GAN: variants seen among roughly 807,000 people sequenced by gnomAD.
GAN encodes the protein gigaxonin.
A neutral mutation model predicts 71.3 loss-of-function variants in GAN; 48 were observed. The observed-to-expected ratio is 0.67, with a 90% CI of 0.53 to 0.86. The LOEUF is 0.86. GAN is among the 40% of genes least tolerant of loss of function. GAN has a pLI of 0.00. For missense variants in GAN, 928 were observed against 770.1 expected (o/e 1.21, Z -2.43); for synonymous variants, 386 against 276.8 (o/e 1.39, Z -3.92).
chr16:81,338,317 T>C (rs969470379), intron 1 of GAN, among the ~76,000 whole-genome samples: 1 of 152,208 alleles, frequency 6.6e-6, no homozygotes, highest in Non-Finnish European at 1.5e-5. Flanking sequence ...GAAATTTACA[T>C]GTATGATCCT....
chr16:81,325,274 G>C (rs924912429), intron 1 of GAN, among the ~76,000 whole-genome samples: 3 of 152,204 alleles, frequency 2.0e-5, no homozygotes, highest in African/African-American at 7.2e-5. Flanking sequence ...TAGGAATTGC[G>C]AGGGGAAGAA....
chr16:81,315,247 A>T lies in GAN; in HGVS notation c.134A>T (p.Lys45Met), dbSNP rs1376322034. The T allele has an allele frequency of 1.3e-6, 2 of 1,577,106 alleles. No individual in the cohort carries two copies. The highest frequency in any genetic ancestry group is 1.7e-6 in the Non-Finnish European group (2 of 1,163,564). Residue 45 changes from lysine to methionine, a missense_variant, in exon 1 of 11, where the codon AAG becomes ATG. Lys to Met is a moderately conservative substitution (Grantham distance 95). Transcript: ENST00000648994. ...VLDGEEIPVQ[K>M]NILAAASPYI... ...GACGGGGAGGAGATCCCGGTGCAGAAGAACATCCTGGCGGCGGCCAGCCCG... is the reference window on the plus strand; with the variant it reads ...GACGGGGAGGAGATCCCGGTGCAGATGAACATCCTGGCGGCGGCCAGCCCG...
intron 5 of GAN, among the ~76,000 whole-genome samples, chr16:81,360,985 A>C (rs1567494228): frequency 1.3e-5 from 2 of 152,122 alleles, no homozygotes; most frequent in Admixed American, 1.3e-4. Flanking sequence ...GCACTTTTGG[A>C]GGCTGAGGCG....
chr16:81,352,877 G>C (rs1047439268), intron 2 of GAN, among the ~76,000 whole-genome samples: 1 of 152,212 alleles, frequency 6.6e-6, no homozygotes, highest in African/African-American at 2.4e-5. Flanking sequence ...CAATCCAGCA[G>C]CAGTTATTAG....
At chr16:81,359,936 G>A (rs1352900894) in intron 5 of GAN, among the ~76,000 whole-genome samples, 1 of 152,142 alleles carries the variant, frequency 6.6e-6, no homozygotes, top group Non-Finnish European at 1.5e-5. Flanking sequence ...AGTTGACCAT[G>A]GGTGATAAAA....
At chr16:81,370,385 A>C (rs1386747455) in intron 9 of GAN, among the ~76,000 whole-genome samples, 2 of 152,238 alleles carry the variant, frequency 1.3e-5, no homozygotes, top group Non-Finnish European at 2.9e-5. Context: ...AAACCACACC[A>C]GTCTTTTGAA....
At position 81,356,765 on chromosome 16, in the gene GAN, C is replaced by CT; in HGVS notation, c.634-17dup. The CT allele has an allele frequency of 5.8e-6, 9 of 1,544,382 alleles. No individual in the cohort carries two copies. Among genetic ancestry groups the CT allele is most frequent in the Non-Finnish European group, 8.1e-6 (9 of 1,116,314 alleles). On this transcript the variant is annotated intron_variant, in intron 3 of 10. Transcript: ENST00000648994. ...GCATTTTCCATTGTTTTCGCCCCAT[C>CT]TTTCTTCCCTCTTCTGCAGGTCCAC...
chr16:81,322,571 A>G (rs1174019827), intron 1 of GAN, among the ~76,000 whole-genome samples: 1 of 152,256 alleles, frequency 6.6e-6, no homozygotes, highest in Non-Finnish European at 1.5e-5. Flanking sequence ...ACTTAAATGT[A>G]TATTTTTGCT....
intron 1 of GAN, among the ~76,000 whole-genome samples, chr16:81,350,258 G>T (rs1371470026): frequency 6.6e-6 from 1 of 152,164 alleles, no homozygotes; most frequent in African/African-American, 2.4e-5. Context: ...CATACAAAGA[G>T]ATGTTCAGCA....
intron 5 of GAN, among the ~76,000 whole-genome samples, chr16:81,359,524 C>T (rs184984263): frequency 1.2e-3 from 186 of 151,306 alleles, no homozygotes; most frequent in Admixed American, 3.6e-3. Context: ...AGGAAGATTA[C>T]CTTAGAAATT....
At chr16:81,327,602 C>T (rs565158224) in intron 1 of GAN, among the ~76,000 whole-genome samples, 1 of 152,314 alleles carries the variant, frequency 6.6e-6, no homozygotes, top group South Asian at 2.1e-4. Flanking sequence ...GGCCTACTTT[C>T]TTTGAAAAGG....
Position 81,390,629 on chromosome 16 carries a change from T to C in GAN, c.*13033T>C, listed in dbSNP as rs966820078. On this transcript the variant is annotated 3_prime_UTR_variant, in exon 11 of 11. Coordinates refer to ENST00000648994, the MANE Select transcript of GAN (RefSeq NM_022041.4). Reference sequence around the variant, plus strand: ...TTGTATTGACTGGATTTTATAACTGTAAGAAAACAGAAACAGAGTGTTGTA... The same window carrying C: ...TTGTATTGACTGGATTTTATAACTGCAAGAAAACAGAAACAGAGTGTTGTA... 3 of 152,218 alleles carry C rather than the reference T, an allele frequency of 2.0e-5. No homozygotes were observed. Among genetic ancestry groups the C allele is most frequent in the Non-Finnish European group, 2.9e-5 (2 of 68,038 alleles). The allele number at this position is 152,218 out of a possible 1,614,324, so 9.4% of individuals were successfully genotyped here.
intron 1 of GAN, among the ~76,000 whole-genome samples, chr16:81,338,127 A>G (rs1291808399): frequency 6.6e-6 from 1 of 152,202 alleles, no homozygotes; most frequent in Non-Finnish European, 1.5e-5. Flanking sequence ...GAACAATGTG[A>G]CATGCATAGT....
At chr16:81,335,229 A>G (rs1488725498) in intron 1 of GAN, among the ~76,000 whole-genome samples, 1 of 151,854 alleles carries the variant, frequency 6.6e-6, no homozygotes, top group East Asian at 1.9e-4. Flanking sequence ...CTTGAACTGG[A>G]TTTAATTGGC....
chr16:81,386,993 C>T lies in GAN; in HGVS notation c.*9397C>T, dbSNP rs935834404. On this transcript the variant is annotated 3_prime_UTR_variant, in exon 11 of 11. Coordinates refer to ENST00000648994, the MANE Select transcript of GAN (RefSeq NM_022041.4). ...GTAGAAGTAGGATTTAACAAAGGACCGAGAAGTCGGCTGAATAGCCAGGTT... is the reference window on the plus strand; with the variant it reads ...GTAGAAGTAGGATTTAACAAAGGACTGAGAAGTCGGCTGAATAGCCAGGTT... 1 of 152,124 alleles carries T rather than the reference C, an allele frequency of 6.6e-6. No individual in the cohort carries two copies. The highest frequency in any genetic ancestry group is 2.4e-5 in the African/African-American group (1 of 41,416). The allele number at this position is 152,124 out of a possible 1,614,324, so 9.4% of individuals were successfully genotyped here.
Position 81,336,999 on chromosome 16 carries a change from A to G in GAN, c.168-14584A>G, listed in dbSNP as rs564470334. On this transcript the variant is annotated intron_variant, in intron 1 of 10. Transcript: ENST00000648994. ...GTTCACTCTTGGTGGTGTGCCTTCTATGGGTTTGGACAAATGTGTCATGAC... is the reference window on the plus strand; with the variant it reads ...GTTCACTCTTGGTGGTGTGCCTTCTGTGGGTTTGGACAAATGTGTCATGAC... 9.9e-5 allele frequency among the ~76,000 whole-genome samples: 15 copies of G among 152,138 alleles called. 1 individual carries two copies. The highest frequency in any genetic ancestry group is 2.1e-4 in the South Asian group (1 of 4,810).
chr16:81,363,738 A>AATAT, intron 6 of GAN, 56 bp from the exon 7 acceptor site: 4 of 1,547,328 alleles, frequency 2.6e-6, no homozygotes. Flanking sequence ...TATGAATATC[A>AATAT]GCTTTCAATA....
intron 1 of GAN, among the ~76,000 whole-genome samples, chr16:81,316,387 G>T (rs1013759039): frequency 6.6e-6 from 1 of 151,076 alleles, no homozygotes; most frequent in Admixed American, 6.6e-5. Context: ...AGATATCTGT[G>T]CTAAACTTAG....
rs536884562 is a variant in GAN at position 81,381,745 on chromosome 16, C to G, written c.*4149C>G. ...GAGTAGGTAGGCAATAAACATTTGA[C>G]AAATAAATATAAGATTCTTGTGATC... On this transcript the variant is annotated 3_prime_UTR_variant, in exon 11 of 11. Transcript: ENST00000648994. 2.4e-4 allele frequency: 37 copies of G among 152,316 alleles called. No homozygotes were observed. The highest frequency in any genetic ancestry group is 1.1e-3 in the Admixed American group (17 of 15,304). The allele number at this position is 152,316 out of a possible 1,614,324, so 9.4% of individuals were successfully genotyped here.
Sources: allele counts gnomAD v4.1 joint callset (sites outside exome capture counted in the v4.1 genomes callset), GRCh38; gene constraint gnomAD v4.1.1; transcripts MANE v1.5; gene names NCBI Gene and HGNC (gene_info 2026-07-23, HGNC 2026-07-21).